The following PHF14 variants were observed in gnomAD, a reference collection of about 807,000 sequenced individuals.
The protein encoded by PHF14 is PHD finger protein 14.
Under a neutral mutation model 117.9 loss-of-function variants are expected in PHF14, and 55 were observed. That is an observed-to-expected ratio of 0.47 (90% confidence interval 0.38 to 0.58). The LOEUF (loss-of-function observed/expected upper bound fraction) is 0.58, where lower values mean the gene tolerates loss of function less well. Ranked by LOEUF, PHF14 falls within the 20% of genes least tolerant of loss-of-function variation. The probability of loss-of-function intolerance (pLI) is 0.00; values close to 1 mark genes in which losing one functional copy is unlikely to be tolerated. For synonymous variants in PHF14, 409 were observed against 368.6 expected, an observed-to-expected ratio of 1.11 and a Z score of -1.26; for missense variants, 978 against 1,122.2, an observed-to-expected ratio of 0.87 and a Z score of 1.84.
Position 11,051,737 on chromosome 7 carries a change from A to C in PHF14, c.2438A>C (p.Gln813Pro), listed in dbSNP as rs1274247747. The C allele has an allele frequency of 6.2e-7, 1 of 1,613,696 alleles. No individual in the cohort carries two copies. The highest frequency in any genetic ancestry group is 2.2e-5 in the East Asian group (1 of 44,852). Residue 813 changes from glutamine to proline, a missense_variant, in exon 14 of 18, where the codon CAG becomes CCG. Physicochemically the swap from Gln to Pro is moderately conservative, Grantham distance 76. Transcript: ENST00000634607. ...AAGGAACCAGTGAAATTTGTTCCACAGGATGTGCCACCAGAACCCAAGAAG... is the reference window on the plus strand; with the variant it reads ...AAGGAACCAGTGAAATTTGTTCCACCGGATGTGCCACCAGAACCCAAGAAG... Reference protein sequence around the residue: ...QIKEPVKFVPQDVPPEPKKIP... With the variant: ...QIKEPVKFVPPDVPPEPKKIP...
intron 13 of PHF14, among the ~76,000 whole-genome samples, chr7:11,047,269 C>T (rs973029257): frequency 5.3e-5 from 8 of 151,776 alleles, no homozygotes. Flanking sequence ...GGGGTTTCAC[C>T]GTGTTAGCCA....
intron 4 of PHF14, among the ~76,000 whole-genome samples, chr7:10,994,097 CACTT>C (rs1196378803): frequency 6.6e-6 from 1 of 151,664 alleles, no homozygotes; most frequent in Non-Finnish European, 1.5e-5. Flanking sequence ...AGGAGCAAGT[CACTT>C]AAATATATTG....
chr7:11,139,893 C>T (rs1788350218), intron 17 of PHF14, among the ~76,000 whole-genome samples: 1 of 152,046 alleles, frequency 6.6e-6, no homozygotes, highest in African/African-American at 2.4e-5. Context: ...TTGTGACCAG[C>T]AAGTCCATAT....
chr7:11,141,439 C>G (rs1020918743), intron 17 of PHF14, among the ~76,000 whole-genome samples: 1 of 152,208 alleles, frequency 6.6e-6, no homozygotes, highest in African/African-American at 2.4e-5. Flanking sequence ...CTGATTAAAT[C>G]TCTTACAGTG....
chr7:11,139,654 G>T (rs1264007393), intron 17 of PHF14, among the ~76,000 whole-genome samples: 7 of 152,160 alleles, frequency 4.6e-5, no homozygotes, highest in African/African-American at 1.4e-4. Context: ...AGTACTGGAG[G>T]TTTAAAAGGG....
At chr7:11,162,241 A>G (rs1210149779) in intron 17 of PHF14, among the ~76,000 whole-genome samples, 4 of 151,660 alleles carry the variant, frequency 2.6e-5, no homozygotes, top group Admixed American at 6.6e-5. Flanking sequence ...GGCACACGCC[A>G]CCATACCCAG....
intron 17 of PHF14, among the ~76,000 whole-genome samples, chr7:11,120,261 T>C (rs1287950031): frequency 6.6e-6 from 1 of 152,030 alleles, no homozygotes; most frequent in East Asian, 1.9e-4. Flanking sequence ...TTGTTTCACC[T>C]AACTTTTAGG....
intron 3 of PHF14, among the ~76,000 whole-genome samples, chr7:10,985,253 A>G (rs1298293236): frequency 6.6e-6 from 1 of 152,114 alleles, no homozygotes; most frequent in Non-Finnish European, 1.5e-5. Flanking sequence ...TATTTTAGCT[A>G]GTGATAATTT....
At chr7:11,035,530 A>G (rs1010765755) in intron 7 of PHF14, 110 bp from the exon 8 acceptor site, 2 of 574,104 alleles carry the variant, frequency 3.5e-6, no homozygotes, top group Admixed American at 3.2e-5. Context: ...ATTAGATGTA[A>G]CTAGCACTAG....
chr7:11,045,624 T>A (rs540562381), intron 13 of PHF14, among the ~76,000 whole-genome samples: 3 of 152,356 alleles, frequency 2.0e-5, no homozygotes, highest in African/African-American at 7.2e-5. Context: ...GTTCTAGATT[T>A]GGATGCTTTC....
At chr7:11,085,461 T>C (rs894076203) in intron 16 of PHF14, among the ~76,000 whole-genome samples, 1 of 152,212 alleles carries the variant, frequency 6.6e-6, no homozygotes, top group African/African-American at 2.4e-5. Context: ...GTTGGATACA[T>C]GTTTGGTGAT....
chr7:10,996,823 C>A (rs1762156850), intron 4 of PHF14, among the ~76,000 whole-genome samples: 1 of 152,156 alleles, frequency 6.6e-6, no homozygotes, highest in Non-Finnish European at 1.5e-5. Context: ...CCAGAGCCCA[C>A]AAGATAGGTG....
At chr7:11,026,108 TC>T (rs368659921) in intron 6 of PHF14, among the ~76,000 whole-genome samples, 61,785 of 125,826 alleles carry the variant, frequency 0.49, 15,043 homozygotes, top group Middle Eastern at 0.6. Context: ...TGAGACTCCA[TC>T]AAAAAAAAAA....
At chr7:11,102,428 G>A (rs2128341588) in intron 16 of PHF14, 1 of 1,578,286 alleles carries the variant, frequency 6.3e-7, no homozygotes, top group East Asian at 2.3e-5. Flanking sequence ...AAGACATAGT[G>A]CAGAGCTGCT....
At chr7:10,989,966 A>G (rs1386667579) in intron 3 of PHF14, among the ~76,000 whole-genome samples, 2 of 152,152 alleles carry the variant, frequency 1.3e-5, no homozygotes, top group African/African-American at 2.4e-5. Context: ...AGATGTATTT[A>G]TTACCAGTTT....
chr7:11,093,198 G>C (rs973227968), intron 16 of PHF14, among the ~76,000 whole-genome samples: 5 of 152,154 alleles, frequency 3.3e-5, no homozygotes, highest in Non-Finnish European at 7.4e-5. Flanking sequence ...TGGTTTAATT[G>C]CATCTTTAAT....
At chr7:10,975,034 C>A in intron 2 of PHF14, 89 bp downstream of exon 2, 1 of 720,886 alleles carries the variant, frequency 1.4e-6, no homozygotes, top group South Asian at 1.7e-5. Context: ...ATTAAAATGC[C>A]AATTTTAAGT....
chr7:11,104,445 G>A (rs533285196), intron 16 of PHF14: 19 of 965,386 alleles, frequency 2.0e-5, no homozygotes, highest in East Asian at 1.2e-4. Flanking sequence ...GTCCATAATC[G>A]GTCCAACTAC....
At position 11,038,828 on chromosome 7, in the gene PHF14, G is replaced by A; in HGVS notation, c.2049G>A (p.Trp683Ter). The A allele has an allele frequency of 2.5e-6, 4 of 1,573,016 alleles. No homozygotes were observed. Among genetic ancestry groups the A allele is most frequent in the Non-Finnish European group, 3.5e-6 (4 of 1,153,632 alleles). ...GKLRSEGQGIWALLGRITGQK... is the reference protein window; with the variant it reads ...GKLRSEGQGI ...TTCGAAGTGAAGGACAAGGAATATG[G>A]GCTTTACTAGGCAGAATCACAGGGC... is the stretch of plus-strand genomic sequence containing the variant. The change falls in exon 11 of 18, where the codon TGG becomes TGA. Residue 683 changes from tryptophan to a stop codon, truncating the protein, a stop_gained. Transcript: ENST00000634607. LOFTEE classifies it high-confidence loss of function.
Sources: allele counts gnomAD v4.1 joint callset (sites outside exome capture counted in the v4.1 genomes callset), GRCh38; gene constraint gnomAD v4.1.1; transcripts MANE v1.5; gene names NCBI Gene and HGNC (gene_info 2026-07-23, HGNC 2026-07-21).